Variants in ST14 observed in about 807,000 individuals in gnomAD.
ST14 encodes suppressor of tumorigenicity 14 protein.
A neutral mutation model predicts 96.5 loss-of-function variants in ST14; 40 were observed. The observed-to-expected ratio is 0.41, with a 90% CI of 0.32 to 0.54. The LOEUF is 0.54. Ranked by LOEUF, ST14 falls within the 20% of genes least tolerant of loss-of-function variation. The pLI is 0.17. For missense variants in ST14, 1,066 were observed against 1,188.9 expected (o/e 0.90, Z 1.52); for synonymous variants, 506 against 492.1 (o/e 1.03, Z -0.37).
Position 130,209,703 on chromosome 11 carries a change from G to A in ST14, c.2448G>A (p.Gly816=). The change falls in exon 19 of 19, where the codon GGG becomes GGA. Residue 816 remains glycine (G), a synonymous_variant. Coordinates refer to ENST00000278742, the MANE Select transcript of ST14 (RefSeq NM_021978.4). Reference sequence around the variant, plus strand: ...CCCTGTCCAGCGTGGAGGCGGATGGGCGGATCTTCCAGGCCGGTGTGGTGA... The same window carrying A: ...CCCTGTCCAGCGTGGAGGCGGATGGACGGATCTTCCAGGCCGGTGTGGTGA... ...GGPLSSVEAD[G]RIFQAGVVSW... 6.2e-7 allele frequency: 1 copy of A among 1,613,828 alleles called. No homozygotes were observed. Among genetic ancestry groups the A allele is most frequent in the South Asian group, 1.1e-5 (1 of 91,084 alleles).
At chr11:130,206,552 T>C (rs555663689) in intron 16 of ST14, among the ~76,000 whole-genome samples, 1 of 147,282 alleles carries the variant, frequency 6.8e-6, no homozygotes, top group African/African-American at 2.5e-5. Context: ...TTTCTTTCTC[T>C]TTCTCTTTTC....
At chr11:130,167,160 G>A (rs945787569) in intron 1 of ST14, among the ~76,000 whole-genome samples, 6 of 152,174 alleles carry the variant, frequency 3.9e-5, no homozygotes, top group Non-Finnish European at 7.4e-5. Flanking sequence ...GCAGTGAGCC[G>A]AGATCGTGCC....
chr11:130,198,008 G>A, intron 12 of ST14, 63 bp downstream of exon 12: 1 of 1,483,570 alleles, frequency 6.7e-7, no homozygotes, highest in Non-Finnish European at 9.1e-7. Context: ...GCGTCCCATG[G>A]CCCTGCTGGC....
intron 5 of ST14, 31 bp downstream of exon 5, chr11:130,189,927 A>ACTGGCCAGCCTTCCATGGAGTGGGG: frequency 6.2e-7 from 1 of 1,613,344 alleles, no homozygotes; most frequent in Non-Finnish European, 8.5e-7. Context: ...TGGGCGTGGG[A>ACTGGCCAGCCTTCCATGGAGTGGGG]CTGGCCAGCC....
Position 130,209,462 on chromosome 11 carries a change from CA to C in ST14, c.2294del (p.Lys765ArgfsTer24). Reference sequence around the variant, plus strand: ...CCCAGGCACTGGCGCGCTGATCCTGCAAAAGGGTGAGATCCGCGTCATCAAC... The same window carrying C: ...CCCAGGCACTGGCGCGCTGATCCTGCAAAGGGTGAGATCCGCGTCATCAAC... ...QYGGTGALIL[Q>X]KGEIRVINQT... On this transcript the variant is annotated frameshift_variant, in exon 18 of 19. Coordinates refer to ENST00000278742, the MANE Select transcript of ST14 (RefSeq NM_021978.4). LOFTEE classifies it high-confidence loss of function. The C allele has an allele frequency of 1.3e-6, 2 of 1,586,146 alleles. No homozygotes were observed. The highest frequency in any genetic ancestry group is 1.8e-5 in the Admixed American group (1 of 55,978).
chr11:130,197,814 G>A (rs753084861), intron 11 of ST14, 27 bp from the exon 12 acceptor site: 1 of 1,532,608 alleles, frequency 6.5e-7, no homozygotes, highest in Non-Finnish European at 8.8e-7. Context: ...TGGGTGCTGG[G>A]GGCCTCAGGC....
chr11:130,208,883 T>C (rs1953516797), intron 17 of ST14, among the ~76,000 whole-genome samples, 199 bp downstream of exon 17: 1 of 152,168 alleles, frequency 6.6e-6, no homozygotes, highest in Non-Finnish European at 1.5e-5. Context: ...GGATTGAAGG[T>C]TGGCTTTGCC....
intron 7 of ST14, among the ~76,000 whole-genome samples, chr11:130,191,475 C>G (rs860841): frequency 6.6e-6 from 1 of 151,698 alleles, no homozygotes. Context: ...GGATCACTTG[C>G]GGTCAGGAGT....
At chr11:130,203,549 G>T (rs971363162) in intron 16 of ST14, among the ~76,000 whole-genome samples, 12 of 152,356 alleles carry the variant, frequency 7.9e-5, no homozygotes, top group African/African-American at 2.9e-4. Flanking sequence ...GACCGACACG[G>T]CCACGTTATC....
Position 130,210,182 on chromosome 11 carries a change from G to A in ST14, c.*359G>A, listed in dbSNP as rs888277973. 8.0e-5 allele frequency: 19 copies of A among 237,460 alleles called. No individual in the cohort carries two copies. The South Asian group carries it at 1.2e-3, about 15-fold the overall frequency. 14.7% of individuals were successfully genotyped at this position (237,460 alleles called of 1,614,324 possible). ...AACGGAGCTTCGGGGCCTCCTCAGT[G>A]AAGGTGGTGGGGCTGCCGGATCTGG... is the stretch of plus-strand genomic sequence containing the variant. On this transcript the variant is annotated 3_prime_UTR_variant, in exon 19 of 19. Transcript: ENST00000278742.
At chr11:130,171,576 G>T (rs572202166) in intron 1 of ST14, among the ~76,000 whole-genome samples, 3 of 152,082 alleles carry the variant, frequency 2.0e-5, no homozygotes, top group Non-Finnish European at 4.4e-5. Flanking sequence ...ATATTGGGGG[G>T]GTCTCTTGAG....
At chr11:130,197,979 C>T (rs754904185) in intron 12 of ST14, 34 bp downstream of exon 12, 3 of 1,539,384 alleles carry the variant, frequency 1.9e-6, no homozygotes, top group Non-Finnish European at 1.8e-6. Context: ...TCTCCCCACC[C>T]TCCTTCCCCA....
In ST14 at chr11:130,200,268, C is replaced by G. The variant is rs1953414272; in HGVS notation, c.1994+131C>G. Reference sequence around the variant, plus strand: ...CATGTGTTAGTCCATTCTTGAGTTGCTCTAAAGAAATACCTGAGACTGGGT... The same window carrying G: ...CATGTGTTAGTCCATTCTTGAGTTGGTCTAAAGAAATACCTGAGACTGGGT... On this transcript the variant is annotated intron_variant, in intron 16 of 18. Transcript: ENST00000278742. 1.1e-5 allele frequency: 11 copies of G among 1,042,460 alleles called. No individual in the cohort carries two copies. The Admixed American group carries it at 1.6e-4, about 15-fold the overall frequency. The allele number at this position is 1,042,460 out of a possible 1,614,324, so 64.6% of individuals were successfully genotyped here.
intron 1 of ST14, among the ~76,000 whole-genome samples, chr11:130,161,077 C>G (rs903687128): frequency 6.6e-6 from 1 of 152,202 alleles, no homozygotes; most frequent in African/African-American, 2.4e-5. Flanking sequence ...GATTTTGGTG[C>G]TGTCTCAGAT....
At chr11:130,191,093 G>A (rs73034648) in intron 7 of ST14, among the ~76,000 whole-genome samples, 152 of 152,378 alleles carry the variant, frequency 1.0e-3, no homozygotes, top group Non-Finnish European at 2.0e-3. Context: ...GCTCATGCCT[G>A]TAATCTCAGC....
Position 130,188,508 on chromosome 11 carries a change from A to G in ST14, c.242-22A>G. ...GGGGTGGTACCACCTCCCCTGACTG[A>G]GCGCCTTCTGGTCTCACACAGACCG... On this transcript the variant is annotated intron_variant, in intron 2 of 18. Coordinates refer to ENST00000278742, the MANE Select transcript of ST14 (RefSeq NM_021978.4). The surrounding 1 kb of genome is among the most constrained non-coding windows in gnomAD (Gnocchi z 5.4). The G allele has an allele frequency of 1.9e-6, 3 of 1,612,282 alleles. No homozygotes were observed. Among genetic ancestry groups the G allele is most frequent in the Non-Finnish European group, 2.5e-6 (3 of 1,179,896 alleles).
rs770056233 is a variant in ST14, at chr11:130,188,831, C to A, written c.370-38C>A. 25 of 1,608,134 alleles carry A rather than the reference C, an allele frequency of 1.6e-5. No individual in the cohort carries two copies. The highest frequency in any genetic ancestry group is 2.1e-5 in the Non-Finnish European group (25 of 1,177,244). On this transcript the variant is annotated intron_variant, in intron 3 of 18. Transcript: ENST00000278742. The surrounding 1 kb of genome is among the most constrained non-coding windows in gnomAD (Gnocchi z 5.4). ...GCCCGGGCTTGGGGCAGGGTCATCG[C>A]CGCATGGGGCTCACCTTGAGTCTCT...
At chr11:130,203,744 C>T (rs915350167) in intron 16 of ST14, among the ~76,000 whole-genome samples, 2 of 152,158 alleles carry the variant, frequency 1.3e-5, no homozygotes, top group African/African-American at 4.8e-5. Context: ...CCTCCGCCTC[C>T]CGGGTTCAAG....
intron 9 of ST14, among the ~76,000 whole-genome samples, chr11:130,195,871 A>G (rs555403036): frequency 2.2e-5 from 3 of 138,808 alleles, no homozygotes; most frequent in African/African-American, 8.2e-5. Flanking sequence ...AAAAAAAGAA[A>G]AGAGGCTGGG....
Sources: gnomAD v4.1 joint callset for allele counts (sites outside exome capture counted in the v4.1 genomes callset) on GRCh38, gnomAD v4.1.1 for gene constraint, Gnocchi (gnomAD v3.1) non-coding constraint, MANE v1.5 for transcripts, NCBI Gene and HGNC (gene_info 2026-07-23, HGNC 2026-07-21) for gene names.